The following YTHDF1 variants were observed in gnomAD, a reference collection of about 807,000 sequenced individuals.
YTHDF1 encodes the protein YTH domain-containing family protein 1.
Under a neutral mutation model 49.1 loss-of-function variants are expected in YTHDF1, and 16 were observed. The ratio of observed to expected loss-of-function variants is 0.33; its 90% CI spans 0.22 to 0.49. The LOEUF is 0.49. YTHDF1 is among the 20% of genes least tolerant of loss of function. YTHDF1 has a pLI of 0.99. For synonymous variants in YTHDF1, 313 were observed against 290.1 expected (o/e 1.08, Z -0.80); for missense variants, 621 against 744.3 (o/e 0.83, Z 1.93).
intron 4 of YTHDF1, among the ~76,000 whole-genome samples, chr20:63,201,013 C>T (rs755144221): frequency 2.6e-5 from 4 of 151,794 alleles, no homozygotes; most frequent in Admixed American, 6.6e-5. Context: ...CCACTGCACT[C>T]CAGCCTGGGC....
Position 63,202,487 on chromosome 20 carries a change from G to T in YTHDF1, c.1453C>A (p.Pro485Thr). 6.2e-7 allele frequency: 1 copy of T among 1,614,238 alleles called. No homozygotes were observed. Among genetic ancestry groups the T allele is most frequent in the Non-Finnish European group, 8.5e-7 (1 of 1,180,034 alleles). The change falls in exon 4 of 5, where the codon CCC becomes ACC. Residue 485 changes from proline to threonine, a missense_variant. Physicochemically the swap from Pro to Thr is conservative, Grantham distance 38 (BLOSUM62 -1). Coordinates refer to ENST00000370339, the MANE Select transcript of YTHDF1 (RefSeq NM_017798.4). ...CTGATGTGCCGGAGCTGGTTATTGG[G>T]TACATCCTTAACAAAAATCCACTGG... ...DVQWIFVKDVPNNQLRHIRLE... is the reference protein window; with the variant it reads ...DVQWIFVKDVTNNQLRHIRLE...
rs761322451 is a variant in YTHDF1 at position 63,203,035 on chromosome 20, G to C, written c.905C>G (p.Ala302Gly). Reference protein sequence around the residue: ...PQAAPQPQQVAQPLPAQPPAL... With the variant: ...PQAAPQPQQVGQPLPAQPPAL... ...TGGGGGCTGTGCTGGGAGAGGCTGA[G>C]CCACCTGCTGGGGCTGTGGGGCAGC... The change falls in exon 4 of 5, where the codon GCT becomes GGT. Residue 302 changes from alanine to glycine, a missense_variant. Around this residue, in one of 2 missense-constraint regions of YTHDF1, gnomAD observed 470 missense variants for 495.8 expected, o/e 0.95. Coordinates refer to ENST00000370339, the MANE Select transcript of YTHDF1 (RefSeq NM_017798.4). This position sits in a 1 kb window ranked among gnomAD's most constrained non-coding sequence, Gnocchi z 4.4. 5.5e-5 allele frequency: 88 copies of C among 1,607,336 alleles called. No homozygotes were observed. Among genetic ancestry groups the C allele is most frequent in the Non-Finnish European group, 6.7e-5 (79 of 1,176,082 alleles).
chr20:63,215,797 GC>G, intron 1 of YTHDF1, 68 bp downstream of exon 1: 1 of 1,436,616 alleles, frequency 7.0e-7, no homozygotes, highest in Non-Finnish European at 9.1e-7. Context: ...CTGCGTTCCA[GC>G]CCCAGGACCT....
rs747266198 is a variant in YTHDF1, at chr20:63,196,526, T to C, written c.*182A>G. On this transcript the variant is annotated 3_prime_UTR_variant, in exon 5 of 5. Coordinates refer to ENST00000370339, the MANE Select transcript of YTHDF1 (RefSeq NM_017798.4). ...TCCTTTATTAGTGACTTCTACAGGA[T>C]TATAATACATAGAAAAAGTACAAAT... is the stretch of plus-strand genomic sequence containing the variant. 4.1e-5 allele frequency: 26 copies of C among 639,114 alleles called. No individual in the cohort carries two copies. The highest frequency in any genetic ancestry group is 6.7e-5 in the Non-Finnish European group (25 of 370,454). The allele number at this position is 639,114 out of a possible 1,614,324, so 39.6% of individuals were successfully genotyped here. A position where few individuals can be genotyped will look rare whatever the true frequency, so the allele number is the denominator to read the frequency against.
intron 3 of YTHDF1, among the ~76,000 whole-genome samples, chr20:63,210,588 A>G (rs1323029033): frequency 6.6e-6 from 1 of 151,988 alleles, no homozygotes; most frequent in Non-Finnish European, 1.5e-5. Flanking sequence ...GTTCGAGACC[A>G]GCCTGACCAA....
chr20:63,199,241 C>T (rs529787502), intron 4 of YTHDF1, among the ~76,000 whole-genome samples: 5 of 152,270 alleles, frequency 3.3e-5, no homozygotes, highest in African/African-American at 9.6e-5. Context: ...CTGACTCGGC[C>T]GGGCGCAGTG....
At chr20:63,206,571 T>C (rs6090303) in intron 3 of YTHDF1, among the ~76,000 whole-genome samples, 46,140 of 152,052 alleles carry the variant, frequency 0.3, 6,959 homozygotes, top group Middle Eastern at 0.42. Flanking sequence ...ACCATTCACA[T>C]CCTGAGCCAC....
rs750875207 is a variant in YTHDF1, at chr20:63,203,535, A to G, written c.405T>C (p.Ser135=). ...TCTGGGTCTGCTGACCTTGAGACCCACTTGTCCCCCATGCTGAGAACGCAG... is the reference window on the plus strand; with the variant it reads ...TCTGGGTCTGCTGACCTTGAGACCCGCTTGTCCCCCATGCTGAGAACGCAG... ...ENPAFSAWGT[S]GSQGQQTQSS... is the part of the protein sequence containing the mutation. The change falls in exon 4 of 5, where the codon AGT becomes AGC. Residue 135 remains serine, a synonymous_variant. Transcript: ENST00000370339. This position sits in a 1 kb window ranked among gnomAD's most constrained non-coding sequence, Gnocchi z 4.4. The G allele has an allele frequency of 1.9e-6, 3 of 1,614,054 alleles. No homozygotes were observed. In the East Asian group the frequency reaches 6.7e-5, roughly 36 times the overall value.
Position 63,202,551 on chromosome 20 carries a change from C to G in YTHDF1, c.1389G>C (p.Gly463=). The G allele has an allele frequency of 6.2e-7, 1 of 1,614,244 alleles. No homozygotes were observed. Among genetic ancestry groups the G allele is most frequent in the Non-Finnish European group, 8.5e-7 (1 of 1,180,054 alleles). Residue 463 remains glycine, a synonymous_variant, in exon 4 of 5, where the codon GGG becomes GGC. Coordinates refer to ENST00000370339, the MANE Select transcript of YTHDF1 (RefSeq NM_017798.4). ...KSPVDYGTSA[G]VWSQDKWKGK... ...CCTTCCACTTGTCCTGAGACCAGACCCCGGCACTGGTGCCGTAGTCCACGG... is the reference window on the plus strand; with the variant it reads ...CCTTCCACTTGTCCTGAGACCAGACGCCGGCACTGGTGCCGTAGTCCACGG...
At chr20:63,212,253 G>A (rs546373140) in intron 3 of YTHDF1, among the ~76,000 whole-genome samples, 2 of 152,240 alleles carry the variant, frequency 1.3e-5, no homozygotes, top group South Asian at 4.1e-4. Context: ...CGGAGCGCGG[G>A]GCAGCGCTGC....
At position 63,202,858 on chromosome 20, in the gene YTHDF1, C is replaced by G. The variant is rs1364023817; in HGVS notation, c.1082G>C (p.Ser361Thr). ...PGNVQPNSAP[S>T]VESHPVLEKL... ...TTCAAGGACGGGGTGGGATTCGACG[C>G]TGGGGGCAGAATTAGGCTGGACGTT... is the stretch of plus-strand genomic sequence containing the variant. The change falls in exon 4 of 5, where the codon AGC (serine) becomes ACC (threonine). Residue 361 changes from serine (S) to threonine (T), a missense_variant. Ser to Thr is a moderately conservative substitution (Grantham distance 58). Transcript: ENST00000370339. 1.2e-6 allele frequency: 2 copies of G among 1,613,900 alleles called. No homozygotes were observed. Among genetic ancestry groups the G allele is most frequent in the Non-Finnish European group, 1.7e-6 (2 of 1,180,042 alleles).
In YTHDF1 at chr20:63,203,025, G is replaced by A. The variant is rs1237513053; in HGVS notation, c.915C>T (p.Leu305=). 4 of 1,609,312 alleles carry A rather than the reference G, an allele frequency of 2.5e-6. No individual in the cohort carries two copies. Among genetic ancestry groups the A allele is most frequent in the Admixed American group, 1.7e-5 (1 of 59,830 alleles). The change falls in exon 4 of 5, where the codon CTC becomes CTT. Residue 305 remains leucine (L), a synonymous_variant. Transcript: ENST00000370339. This position sits in a 1 kb window ranked among gnomAD's most constrained non-coding sequence, Gnocchi z 4.4. Reference sequence around the variant, plus strand: ...GAGCCAAAGCTGGGGGCTGTGCTGGGAGAGGCTGAGCCACCTGCTGGGGCT... The same window carrying A: ...GAGCCAAAGCTGGGGGCTGTGCTGGAAGAGGCTGAGCCACCTGCTGGGGCT... ...APQPQQVAQP[L]PAQPPALAQP...
At chr20:63,214,233 A>G (rs1426854686) in intron 2 of YTHDF1, 2 of 567,644 alleles carry the variant, frequency 3.5e-6, no homozygotes, top group Non-Finnish European at 4.5e-6. Flanking sequence ...ACCAGGGTGA[A>G]AACTGACATG....
In YTHDF1 at chr20:63,203,062, T is replaced by A; in HGVS notation, c.878A>T (p.Gln293Leu). Residue 293 changes from glutamine (Q) to leucine (L), a missense_variant, in exon 4 of 5, where the codon CAG (glutamine) becomes CTG (leucine). Transcript: ENST00000370339. This position sits in a 1 kb window ranked among gnomAD's most constrained non-coding sequence, Gnocchi z 4.4. ...CACCTGCTGGGGCTGTGGGGCAGCC[T>A]GTGGAGAGGGTGCCTGCTGGGGGAC... is the stretch of plus-strand genomic sequence containing the variant. ...APVPQQAPSP[Q>L]AAPQPQQVAQ... is the part of the protein sequence containing the mutation. 1 of 1,605,674 alleles carries A rather than the reference T, an allele frequency of 6.2e-7. No homozygotes were observed. The highest frequency in any genetic ancestry group is 8.5e-7 in the Non-Finnish European group (1 of 1,175,072).
intron 3 of YTHDF1, among the ~76,000 whole-genome samples, 164 bp downstream of exon 3, chr20:63,213,700 A>C (rs2066587029): frequency 6.6e-6 from 1 of 152,180 alleles, no homozygotes; most frequent in Non-Finnish European, 1.5e-5. Flanking sequence ...ACTGATGCCC[A>C]AGGTTAACAG....
intron 3 of YTHDF1, among the ~76,000 whole-genome samples, chr20:63,205,246 G>C (rs2066540232): frequency 6.6e-6 from 1 of 152,148 alleles, no homozygotes; most frequent in Non-Finnish European, 1.5e-5. Flanking sequence ...CACCAGGTGG[G>C]AAAGTAGCTG....
In YTHDF1 at chr20:63,203,335, G is replaced by A. The variant is rs746610885; in HGVS notation, c.605C>T (p.Thr202Met). ...CACGCTGCTGACGACAGAGCCCACC[G>A]TCTTGACGGCGGAGGAGCTGACGTC... The part of the protein sequence containing the change: ...IGDVSSSAVK[T>M]VGSVVSSVAL... Residue 202 changes from threonine (T) to methionine (M), a missense_variant, in exon 4 of 5, where the codon ACG becomes ATG. Thr to Met is a moderately conservative substitution (Grantham distance 81). Coordinates refer to ENST00000370339, the MANE Select transcript of YTHDF1 (RefSeq NM_017798.4). This position sits in a 1 kb window ranked among gnomAD's most constrained non-coding sequence, Gnocchi z 4.4. The A allele has an allele frequency of 5.6e-6, 9 of 1,613,234 alleles. No homozygotes were observed. Among genetic ancestry groups the A allele is most frequent in the African/African-American group, 5.3e-5 (4 of 74,926 alleles).
At chr20:63,209,522 C>A (rs1033943649) in intron 3 of YTHDF1, among the ~76,000 whole-genome samples, 3 of 152,062 alleles carry the variant, frequency 2.0e-5, no homozygotes, top group African/African-American at 7.3e-5. Context: ...ATAATCCCAG[C>A]CCTCTGGGAG....
chr20:63,196,080 G>C lies in YTHDF1; in HGVS notation c.*628C>G, dbSNP rs1225151054. On this transcript the variant is annotated 3_prime_UTR_variant, in exon 5 of 5. Coordinates refer to ENST00000370339, the MANE Select transcript of YTHDF1 (RefSeq NM_017798.4). ...CCAATCGGACACCAGGACAGTGAGG[G>C]ACGGGTGGCTGTTCAGTGGGCAACA... 6.6e-6 allele frequency: 1 copy of C among 151,078 alleles called. No homozygotes were observed. Among genetic ancestry groups the C allele is most frequent in the Non-Finnish European group, 1.5e-5 (1 of 68,030 alleles). 9.4% of individuals were successfully genotyped at this position (151,078 alleles called of 1,614,324 possible). A position where few individuals can be genotyped will look rare whatever the true frequency, so the allele number is the denominator to read the frequency against.
Sources: gnomAD v4.1 joint callset for allele counts (sites outside exome capture counted in the v4.1 genomes callset) on GRCh38, gnomAD v4.1.1 for gene constraint, gnomAD v4.1.1 regional missense constraint, Gnocchi (gnomAD v3.1) non-coding constraint, MANE v1.5 for transcripts, NCBI Gene and HGNC (gene_info 2026-07-23, HGNC 2026-07-21) for gene names.